TMCC3: variants seen among roughly 807,000 people sequenced by gnomAD.
The protein encoded by TMCC3 is transmembrane and coiled-coil domain protein 3.
In TMCC3, 28 loss-of-function variants were observed where a neutral mutation model predicts 40.2. The observed-to-expected ratio is 0.70, with a 90% CI of 0.52 to 0.95. TMCC3 has a LOEUF of 0.95. Ranked by LOEUF, TMCC3 falls within the 40% of genes least tolerant of loss-of-function variation. The pLI, the probability that TMCC3 is intolerant of heterozygous loss-of-function variation, is 0.00. For synonymous variants in TMCC3, 255 were observed against 248.5 expected, an observed-to-expected ratio of 1.03 and a Z score of -0.25; for missense variants, 554 against 615.2, an observed-to-expected ratio of 0.90 and a Z score of 1.05.
At chr12:94,578,653 T>A in intron 2 of TMCC3, 124 bp from the exon 3 acceptor site, 1 of 1,060,546 alleles carries the variant, frequency 9.4e-7, no homozygotes, top group Non-Finnish European at 1.3e-6. Flanking sequence ...GCTGTTTTTC[T>A]AAAAGAGTAA....
rs151235606 is a variant in TMCC3 at position 94,624,621 on chromosome 12, C to T, written c.78+25732G>A. 4.5e-3 allele frequency among the ~76,000 whole-genome samples: 690 copies of T among 151,722 alleles called. 10 individuals carry two copies. The highest frequency in any genetic ancestry group is 0.016 in the African/African-American group (653 of 41,340). ...CCCAGCTACTCAGGAGGCTGAGGCA[C>T]GAGAATCACTTGAGTCTGGGAGGCA... On this transcript the variant is annotated intron_variant, in intron 1 of 3. Transcript: ENST00000261226.
Position 94,571,484 on chromosome 12 carries a change from T to C in TMCC3, c.1385A>G (p.Asn462Ser). The change falls in exon 4 of 4, where the codon AAC (asparagine) becomes AGC (serine). Residue 462 changes from asparagine (N) to serine (S), a missense_variant. Physicochemically the swap from Asn to Ser is conservative, Grantham distance 46 (BLOSUM62 1). Transcript: ENST00000261226. ...AVTLLAIFCK[N>S]WDHILCAIER... ...TATGGCACACAGGATATGGTCCCAGTTTTTACAAAATATAGCAAGAAGAGT... is the reference window on the plus strand; with the variant it reads ...TATGGCACACAGGATATGGTCCCAGCTTTTACAAAATATAGCAAGAAGAGT... The C allele has an allele frequency of 6.2e-7, 1 of 1,614,114 alleles. No homozygotes were observed.
chr12:94,623,642 T>A (rs993030154), intron 1 of TMCC3, among the ~76,000 whole-genome samples: 1 of 152,252 alleles, frequency 6.6e-6, no homozygotes, highest in Admixed American at 6.5e-5. Flanking sequence ...CACGTACAAC[T>A]ACCACCACGT....
intron 1 of TMCC3, among the ~76,000 whole-genome samples, chr12:94,634,106 G>C (rs181113731): frequency 2.0e-5 from 3 of 152,068 alleles, no homozygotes; most frequent in African/African-American, 4.8e-5. Flanking sequence ...GCCATCACCA[G>C]CTAATGTTTT....
At position 94,571,869 on chromosome 12, in the gene TMCC3, G is replaced by A. The variant is rs980848941; in HGVS notation, c.1132-132C>T. The A allele has an allele frequency of 2.3e-5, 18 of 792,252 alleles. 1 individual carries two copies. The highest frequency in any genetic ancestry group is 7.2e-5 in the South Asian group (4 of 55,596). 49.1% of individuals were successfully genotyped at this position (792,252 alleles called of 1,614,324 possible). ...CCAGGCGGCTGCAAATCCCCAAACC[G>A]ATGATGATGGTGATAGACAAAGATG... On this transcript the variant is annotated intron_variant, in intron 3 of 3. Coordinates refer to ENST00000261226, the MANE Select transcript of TMCC3 (RefSeq NM_020698.4).
chr12:94,591,711 G>A (rs1237135795), intron 1 of TMCC3, among the ~76,000 whole-genome samples: 1 of 152,048 alleles, frequency 6.6e-6, no homozygotes, highest in Non-Finnish European at 1.5e-5. Context: ...CATGAATCAC[G>A]CCACTGCACT....
rs1364168569 is a variant in TMCC3 at position 94,567,515 on chromosome 12, T to C, written c.*3920A>G. The C allele has an allele frequency of 6.6e-6, 1 of 152,238 alleles. No homozygotes were observed. Among genetic ancestry groups the C allele is most frequent in the East Asian group, 1.9e-4 (1 of 5,206 alleles). The allele number at this position is 152,238 out of a possible 1,614,324, so 9.4% of individuals were successfully genotyped here. On this transcript the variant is annotated 3_prime_UTR_variant, in exon 4 of 4. Transcript: ENST00000261226. ...CTTTCTAGCTTCTTATAAATTAAAC[T>C]GTACTGATTTCAGGAAACTATAGGT...
chr12:94,636,274 G>A (rs892170489), intron 1 of TMCC3, among the ~76,000 whole-genome samples: 1 of 152,144 alleles, frequency 6.6e-6, no homozygotes, highest in African/African-American at 2.4e-5. Flanking sequence ...AAATATATTA[G>A]GAGAACATGG....
chr12:94,573,684 C>T (rs1410035256), intron 3 of TMCC3, among the ~76,000 whole-genome samples: 8 of 152,192 alleles, frequency 5.3e-5, no homozygotes. Context: ...CTCCTGCCTC[C>T]ATTCCTCCTG....
At chr12:94,648,573 C>A (rs527236611) in intron 1 of TMCC3, among the ~76,000 whole-genome samples, 1 of 152,284 alleles carries the variant, frequency 6.6e-6, no homozygotes, top group African/African-American at 2.4e-5. Flanking sequence ...AGGTTTTGAC[C>A]TTTTAATAGA....
At chr12:94,615,367 G>T (rs993103252) in intron 1 of TMCC3, among the ~76,000 whole-genome samples, 7 of 152,142 alleles carry the variant, frequency 4.6e-5, no homozygotes, top group African/African-American at 1.7e-4. Flanking sequence ...TTCCCCCATG[G>T]CTGCTTCCTC....
intron 1 of TMCC3, among the ~76,000 whole-genome samples, chr12:94,609,317 G>A (rs982067187): frequency 6.6e-6 from 1 of 152,136 alleles, no homozygotes; most frequent in Non-Finnish European, 1.5e-5. Flanking sequence ...TTGAACCCAG[G>A]TGTGATTCAA....
At chr12:94,577,314 G>A (rs534227958) in intron 3 of TMCC3, among the ~76,000 whole-genome samples, 1 of 151,838 alleles carries the variant, frequency 6.6e-6, no homozygotes, top group Non-Finnish European at 1.5e-5. Flanking sequence ...TCAGCCTCCC[G>A]AGTAGCTGGG....
At chr12:94,645,271 G>C (rs149207022) in intron 1 of TMCC3, among the ~76,000 whole-genome samples, 187 of 152,308 alleles carry the variant, frequency 1.2e-3, no homozygotes, top group African/African-American at 4.4e-3. Context: ...GAAACATGAC[G>C]CAAGGAGGCA....
intron 1 of TMCC3, among the ~76,000 whole-genome samples, chr12:94,612,916 A>G (rs181720556): frequency 6.6e-6 from 1 of 152,312 alleles, no homozygotes; most frequent in Admixed American, 6.5e-5. Flanking sequence ...TGTAGGTTAG[A>G]GGAGCAAGTG....
At chr12:94,593,120 C>T (rs569792150) in intron 1 of TMCC3, among the ~76,000 whole-genome samples, 2 of 151,778 alleles carry the variant, frequency 1.3e-5, no homozygotes, top group African/African-American at 4.8e-5. Flanking sequence ...TCGCTTGCAC[C>T]TGGGAGGTGG....
At chr12:94,578,271 A>C (rs1025047961) in intron 3 of TMCC3, 123 bp downstream of exon 3, 1 of 1,163,480 alleles carries the variant, frequency 8.6e-7, no homozygotes, top group Non-Finnish European at 1.2e-6. Flanking sequence ...GTTTGTGCAG[A>C]GAAAACATTT....
chr12:94,597,402 G>A (rs2068724898), intron 1 of TMCC3, among the ~76,000 whole-genome samples: 2 of 152,098 alleles, frequency 1.3e-5, no homozygotes, highest in Admixed American at 6.6e-5. Context: ...CCTTTTCCCT[G>A]TAGGGACCGT....
intron 1 of TMCC3, among the ~76,000 whole-genome samples, chr12:94,634,386 C>T (rs113599061): frequency 6.6e-6 from 1 of 151,878 alleles, no homozygotes; most frequent in East Asian, 1.9e-4. Flanking sequence ...CTATTTCATC[C>T]ATTTCCTATT....
Sources: allele counts gnomAD v4.1 joint callset (sites outside exome capture counted in the v4.1 genomes callset), GRCh38; gene constraint gnomAD v4.1.1; transcripts MANE v1.5; gene names NCBI Gene and HGNC (gene_info 2026-07-23, HGNC 2026-07-21).